MAPK10: variants seen among roughly 807,000 people sequenced by gnomAD.
MAPK10 encodes the protein mitogen-activated protein kinase 10, also known as JNK3 alpha protein kinase.
In MAPK10, 25 loss-of-function variants were observed where a neutral mutation model predicts 59.3. The ratio of observed to expected loss-of-function variants is 0.42; its 90% CI spans 0.31 to 0.59. The LOEUF is 0.59. MAPK10 is among the 20% of genes least tolerant of loss of function. MAPK10 has a pLI of 0.15. For missense variants in MAPK10, 351 were observed against 568.9 expected, an observed-to-expected ratio of 0.62 and a Z score of 3.90; for synonymous variants, 190 against 200.5, an observed-to-expected ratio of 0.95 and a Z score of 0.44.
intron 1 of MAPK10, among the ~76,000 whole-genome samples, chr4:86,425,259 G>T (rs1747123460): frequency 6.6e-6 from 1 of 152,134 alleles, no homozygotes; most frequent in Non-Finnish European, 1.5e-5. Context: ...TATTACAGTG[G>T]TGGTCTTAAA....
chr4:86,117,272 A>G (rs942829244), intron 4 of MAPK10, among the ~76,000 whole-genome samples: 1 of 152,154 alleles, frequency 6.6e-6, no homozygotes, highest in Non-Finnish European at 1.5e-5. Flanking sequence ...ACACGCATAC[A>G]TACATATATA....
chr4:86,080,709 C>G (rs2050462760), intron 9 of MAPK10: 1 of 151,786 alleles, frequency 6.6e-6, no homozygotes, highest in Non-Finnish European at 1.5e-5. Flanking sequence ...AATTTATGAG[C>G]CTAAAAAGAA....
intron 1 of MAPK10, among the ~76,000 whole-genome samples, chr4:86,426,077 G>A (rs1747244997): frequency 6.6e-6 from 1 of 152,138 alleles, no homozygotes; most frequent in African/African-American, 2.4e-5. Context: ...TTCCTTTTTA[G>A]TATTTTGGCC....
chr4:86,459,112 G>A (rs1414064342), intron 1 of MAPK10, among the ~76,000 whole-genome samples: 1 of 152,110 alleles, frequency 6.6e-6, no homozygotes, highest in African/African-American at 2.4e-5. Flanking sequence ...GCCATGAATA[G>A]ACAATTCTCA....
At chr4:86,052,804 C>T (rs1389065395) in intron 11 of MAPK10, among the ~76,000 whole-genome samples, 1 of 152,062 alleles carries the variant, frequency 6.6e-6, no homozygotes, top group Non-Finnish European at 1.5e-5. Context: ...AAGCCATTCT[C>T]CCACCACAGC....
rs1050388108 is a variant in MAPK10, at chr4:86,012,739, AGACT to A, written c.*4485_*4488del. ...TCACTGAGGTTGCATTTTACCCATTAGACTGACTGAATTTAGTTCTCACTGCTCA... is the reference window on the plus strand; with the variant it reads ...TCACTGAGGTTGCATTTTACCCATTAGACTGAATTTAGTTCTCACTGCTCA... On this transcript the variant is annotated 3_prime_UTR_variant, in exon 14 of 14. Coordinates refer to ENST00000641462, the MANE Select transcript of MAPK10 (RefSeq NM_138982.4). 5 of 152,212 alleles carry A rather than the reference AGACT, an allele frequency of 3.3e-5. No individual in the cohort carries two copies. Among genetic ancestry groups the A allele is most frequent in the African/African-American group, 1.2e-4 (5 of 41,462 alleles). The allele number at this position is 152,212 out of a possible 1,614,324, so 9.4% of individuals were successfully genotyped here. A position where few individuals can be genotyped will look rare whatever the true frequency, so the allele number is the denominator to read the frequency against.
At chr4:86,483,171 G>A (rs556820166) in intron 1 of MAPK10, among the ~76,000 whole-genome samples, 2 of 152,208 alleles carry the variant, frequency 1.3e-5, no homozygotes, top group South Asian at 2.1e-4. Context: ...TTGGTAAACC[G>A]TACCCCTCTA....
intron 1 of MAPK10, among the ~76,000 whole-genome samples, chr4:86,503,791 G>A (rs1406059035): frequency 6.6e-6 from 1 of 151,866 alleles, no homozygotes; most frequent in African/African-American, 2.4e-5. Flanking sequence ...GCTTATAATG[G>A]CCTGCAAGAT....
At chr4:86,184,033 G>T (rs1223128026) in intron 3 of MAPK10, among the ~76,000 whole-genome samples, 1 of 152,126 alleles carries the variant, frequency 6.6e-6, no homozygotes, top group African/African-American at 2.4e-5. Context: ...GTAGATTCTG[G>T]ATATTAGCCC....
At position 86,057,027 on chromosome 4, in the gene MAPK10, G is replaced by A. The variant is rs1362325976; in HGVS notation, c.1110+7239C>T. 3.4e-5 allele frequency among the ~76,000 whole-genome samples: 5 copies of A among 148,222 alleles called. 1 individual carries two copies. The highest frequency in any genetic ancestry group is 2.1e-4 in the South Asian group (1 of 4,776). ...CTCCCAGGCTGGAGTGCAGTGGTGCGATCTCGGCTCACTGCAACTTCTGTC... is the reference window on the plus strand; with the variant it reads ...CTCCCAGGCTGGAGTGCAGTGGTGCAATCTCGGCTCACTGCAACTTCTGTC... On this transcript the variant is annotated intron_variant, in intron 11 of 13. Transcript: ENST00000641462.
At chr4:86,205,412 TGTAA>T (rs1333451091) in intron 2 of MAPK10, among the ~76,000 whole-genome samples, 14 of 151,994 alleles carry the variant, frequency 9.2e-5, no homozygotes, top group African/African-American at 1.9e-4. Context: ...TTTTAACACA[TGTAA>T]GTATCTCTTG....
chr4:86,346,941 T>C (rs1728607219), intron 2 of MAPK10, among the ~76,000 whole-genome samples: 1 of 152,102 alleles, frequency 6.6e-6, no homozygotes, highest in South Asian at 2.1e-4. Context: ...AGTATCTTTA[T>C]TAAGATTTAT....
chr4:86,409,314 A>T (rs1564817714), intron 1 of MAPK10, among the ~76,000 whole-genome samples: 1 of 152,202 alleles, frequency 6.6e-6, no homozygotes, highest in Non-Finnish European at 1.5e-5. Context: ...CCTGAATTAT[A>T]GTTTGAAGTC....
Position 86,487,927 on chromosome 4 carries a change from A to G in MAPK10, c.-263+105983T>C, listed in dbSNP as rs147856064. 7.1e-3 allele frequency among the ~76,000 whole-genome samples: 1,081 copies of G among 152,238 alleles called. 11 individuals carry two copies. Among genetic ancestry groups the G allele is most frequent in the African/African-American group, 0.023 (975 of 41,534 alleles). ...GCCTTGATGTTAAGGTAGATTGCAC[A>G]ATAGTCTGAGAGAGAGAGATTATTG... On this transcript the variant is annotated intron_variant, in intron 1 of 4. Transcript: ENST00000502302.
chr4:86,301,179 G>A (rs1000867215), intron 2 of MAPK10, among the ~76,000 whole-genome samples: 3 of 152,160 alleles, frequency 2.0e-5, no homozygotes, highest in African/African-American at 7.2e-5. Flanking sequence ...TGCCCAGTGG[G>A]AGAAATTGGG....
chr4:86,110,047 A>C (rs1373714922), intron 4 of MAPK10, among the ~76,000 whole-genome samples: 1 of 152,066 alleles, frequency 6.6e-6, no homozygotes, highest in Non-Finnish European at 1.5e-5. Flanking sequence ...GTAACTGTTC[A>C]TGTCCTCTGC....
chr4:86,275,203 C>T (rs1158955076), intron 2 of MAPK10, among the ~76,000 whole-genome samples: 1 of 151,990 alleles, frequency 6.6e-6, no homozygotes, highest in Non-Finnish European at 1.5e-5. Context: ...ATATTTTATA[C>T]TGCCTAATAA....
rs556055197 is a variant in MAPK10, at chr4:86,037,352, C to G, written c.1111-5921G>C. Among the ~76,000 whole-genome samples, 3 of 152,210 alleles carry G rather than the reference C, an allele frequency of 2.0e-5. No homozygotes were observed. The East Asian group carries it at 5.8e-4, about 29-fold the overall frequency. On this transcript the variant is annotated intron_variant, in intron 11 of 13. Coordinates refer to ENST00000641462, the MANE Select transcript of MAPK10 (RefSeq NM_138982.4). Reference sequence around the variant, plus strand: ...TGGCTAACACAGTGAAACCCCATCTCTACTAAAAGTATAAAAAATTAGCCG... The same window carrying G: ...TGGCTAACACAGTGAAACCCCATCTGTACTAAAAGTATAAAAAATTAGCCG...
chr4:86,227,014 G>T (rs1302894006), intron 2 of MAPK10, among the ~76,000 whole-genome samples: 1 of 152,186 alleles, frequency 6.6e-6, no homozygotes, highest in African/African-American at 2.4e-5. Context: ...GAAAAAATAT[G>T]GTTTTATGTC....
Sources: gnomAD v4.1 joint callset for allele counts (sites outside exome capture counted in the v4.1 genomes callset) on GRCh38, gnomAD v4.1.1 for gene constraint, MANE v1.5 for transcripts, NCBI Gene and HGNC (gene_info 2026-07-23, HGNC 2026-07-21) for gene names.